IFI27: variants seen among roughly 807,000 people sequenced by gnomAD.
The protein encoded by IFI27 is interferon alpha inducible protein 27.
In IFI27, 3 loss-of-function variants were observed where a neutral mutation model predicts 8.9. That is an observed-to-expected ratio of 0.34 (90% CI 0.15 to 0.87). The LOEUF is 0.87. Among genes scored for constraint, IFI27 ranks in the 40% least tolerant of loss-of-function variants. The pLI, the probability that IFI27 is intolerant of heterozygous loss-of-function variation, is 0.51. For missense variants in IFI27, 152 were observed against 157.7 expected, an observed-to-expected ratio of 0.96 and a Z score of 0.19; for synonymous variants, 66 against 67.3, an observed-to-expected ratio of 0.98 and a Z score of 0.09.
rs182220233 is a variant in IFI27, at chr14:94,111,359, A to G, written c.-58-266A>G. 2.6e-3 allele frequency among the ~76,000 whole-genome samples: 399 copies of G among 152,284 alleles called. 1 individual carries two copies. The highest frequency in any genetic ancestry group is 0.014 in the Middle Eastern group (4 of 294). On this transcript the variant is annotated intron_variant, in intron 1 of 4. Transcript: ENST00000621160. The surrounding 1 kb of genome is among the most constrained non-coding windows in gnomAD (Gnocchi z 4.3). ...AGGGAGTCCCGGAAGTGTCTAAGAC[A>G]TTGGCGCTGGGACTTTCAGGAGAAA...
Position 94,111,752 on chromosome 14 carries a change from T to C in IFI27, c.70T>C (p.Ser24Pro). 14 of 1,614,168 alleles carry C rather than the reference T, an allele frequency of 8.7e-6. No homozygotes were observed. Among genetic ancestry groups the C allele is most frequent in the Non-Finnish European group, 1.1e-5 (13 of 1,179,986 alleles). Residue 24 changes from serine (S) to proline (P), a missense_variant, in exon 2 of 5, where the codon TCT (serine) becomes CCT (proline). Physicochemically the swap from Ser to Pro is moderately conservative, Grantham distance 74. Coordinates refer to ENST00000621160, the Ensembl canonical transcript of IFI27. This position sits in a 1 kb window ranked among gnomAD's most constrained non-coding sequence, Gnocchi z 4.3. ...CAAAGTGGTCAGGGTGGCCTCTGGCTCTGCCGTAGTTTTGCCCCTGGGTGA... is the reference window on the plus strand; with the variant it reads ...CAAAGTGGTCAGGGTGGCCTCTGGCCCTGCCGTAGTTTTGCCCCTGGGTGA...
At position 94,111,984 on chromosome 14, in the gene IFI27, GT is replaced by G; in HGVS notation, c.91+213del. Reference sequence around the variant, plus strand: ...TCTGGCCAGATGCCCAGCCCTGGGTGTTCCACAGGTCCTCTCCCCTCTGGGC... The same window carrying G: ...TCTGGCCAGATGCCCAGCCCTGGGTGTCCACAGGTCCTCTCCCCTCTGGGC... On this transcript the variant is annotated intron_variant, in intron 2 of 4. Transcript: ENST00000621160. The surrounding 1 kb of genome is among the most constrained non-coding windows in gnomAD (Gnocchi z 4.3). 1 of 614,742 alleles carries G rather than the reference GT, an allele frequency of 1.6e-6. No individual in the cohort carries two copies. The highest frequency in any genetic ancestry group is 2.9e-6 in the Non-Finnish European group (1 of 343,220). The allele number at this position is 614,742 out of a possible 1,614,324, so 38.1% of individuals were successfully genotyped here.
intron 3 of IFI27, 30 bp downstream of exon 3, chr14:94,114,910 C>G (rs753349540): frequency 6.2e-7 from 1 of 1,606,836 alleles, no homozygotes; most frequent in Admixed American, 1.7e-5. Flanking sequence ...GCTCAAGTAA[C>G]CACCTGCCCC....
chr14:94,110,868 G>A (rs181658839), intron 1 of IFI27, 71 bp downstream of exon 1: 1 of 154,272 alleles, frequency 6.5e-6, no homozygotes, highest in African/African-American at 2.4e-5. Context: ...GTGGGCTCAG[G>A]GAGCGGAGGG....
upstream of IFI27, among the ~76,000 whole-genome samples, chr14:94,107,226 C>T (rs371994074): frequency 5.9e-4 from 90 of 152,270 alleles, no homozygotes; most frequent in African/African-American, 1.9e-3. Context: ...CACACCACCA[C>T]GCCTTGCTAA....
upstream of IFI27, among the ~76,000 whole-genome samples, chr14:94,109,861 C>T (rs146826500): frequency 9.8e-3 from 1,492 of 152,318 alleles, 7 homozygotes; most frequent in Middle Eastern, 0.02. Flanking sequence ...CTTTCTCTTC[C>T]GCCTGTTCTC....
Position 94,111,698 on chromosome 14 carries a change from C to G in IFI27, c.16C>G (p.Leu6Val). 2.5e-6 allele frequency: 4 copies of G among 1,614,144 alleles called. No homozygotes were observed. The highest frequency in any genetic ancestry group is 3.4e-6 in the Non-Finnish European group (4 of 1,179,950). Residue 6 changes from leucine to valine, a missense_variant, in exon 2 of 5, where the codon CTC (leucine) becomes GTC (valine). Leu to Val is a conservative substitution (Grantham distance 32, BLOSUM62 1). Coordinates refer to ENST00000621160, the Ensembl canonical transcript of IFI27. The surrounding 1 kb of genome is among the most constrained non-coding windows in gnomAD (Gnocchi z 4.3). ...CCGAGCAGGCATGGAGGCCTCTGCT[C>G]TCACCTCATCAGCAGTGACCAGTGT...
chr14:94,110,394 C>A (rs1317883510), upstream of IFI27, among the ~76,000 whole-genome samples: 1 of 152,136 alleles, frequency 6.6e-6, no homozygotes, highest in Non-Finnish European at 1.5e-5. Context: ...GCAAGGACTA[C>A]TATTATTCTG....
At chr14:94,113,839 A>C (rs8006631) in intron 2 of IFI27, 68,077 of 151,832 alleles carry the variant, frequency 0.45, 16,188 homozygotes, top group Non-Finnish European at 0.55. Context: ...GTGGGCCTTC[A>C]TACCTGCGTC....
At chr14:94,115,649 G>A (rs970461117) in intron 3 of IFI27, 132 bp from the exon 4 acceptor site, 12 of 893,734 alleles carry the variant, frequency 1.3e-5, no homozygotes, top group East Asian at 1.1e-4. Flanking sequence ...CCTATTGGCC[G>A]TGCCCATAGT....
At chr14:94,110,437 A>G (rs1887133627), upstream of IFI27, among the ~76,000 whole-genome samples, 1 of 152,214 alleles carries the variant, frequency 6.6e-6, no homozygotes, top group Non-Finnish European at 1.5e-5. Context: ...AGTAATATTT[A>G]TCATTTTATT....
chr14:94,114,792 T>TA, intron 2 of IFI27, 59 bp from the exon 3 acceptor site: 1 of 1,600,950 alleles, frequency 6.2e-7, no homozygotes, highest in Non-Finnish European at 8.6e-7. Context: ...GCAATCGGCT[T>TA]AGAAAGTGGA....
Position 94,115,879 on chromosome 14 carries a change from GCGGCCAT to G in IFI27, c.221_227del (p.Ala74ValfsTer27). The G allele has an allele frequency of 1.9e-6, 3 of 1,599,820 alleles. No individual in the cohort carries two copies. The highest frequency in any genetic ancestry group is 2.6e-6 in the Non-Finnish European group (3 of 1,172,736). ...CATAGCAGCCAAGATGATGTCCGCGGCGGCCATTGCCAATGGGGGTGGAGTTGCCTCG... is the reference window on the plus strand; with the variant it reads ...CATAGCAGCCAAGATGATGTCCGCGGTGCCAATGGGGGTGGAGTTGCCTCG... On this transcript the variant is annotated frameshift_variant, in exon 4 of 5. Transcript: ENST00000621160. LOFTEE classifies it high-confidence loss of function.
rs1343038342 is a variant in IFI27, at chr14:94,111,045, T to C, written c.-59+248T>C. 6.5e-6 allele frequency: 1 copy of C among 154,350 alleles called. No individual in the cohort carries two copies. The highest frequency in any genetic ancestry group is 2.4e-5 in the African/African-American group (1 of 41,498). 9.6% of individuals were successfully genotyped at this position (154,350 alleles called of 1,614,324 possible). On this transcript the variant is annotated intron_variant, in intron 1 of 4. Coordinates refer to ENST00000621160, the Ensembl canonical transcript of IFI27. The surrounding 1 kb of genome is among the most constrained non-coding windows in gnomAD (Gnocchi z 4.3). ...GCCTTGAGGGCGGCTTGGGGTAAAG[T>C]GGGCAAGGGGAAGAGATAAGTGTTA...
upstream of IFI27, among the ~76,000 whole-genome samples, chr14:94,106,916 C>T (rs1168573513): frequency 6.6e-6 from 1 of 151,816 alleles, no homozygotes; most frequent in African/African-American, 2.4e-5. Flanking sequence ...CCCCCATGAC[C>T]GAAACACCCC....
intron 4 of IFI27, 42 bp downstream of exon 4, chr14:94,115,984 G>C: frequency 6.5e-7 from 1 of 1,541,404 alleles, no homozygotes; most frequent in Non-Finnish European, 8.8e-7. Flanking sequence ...GCGATGAGGA[G>C]GGCAAGAGCC....
chr14:94,107,158 C>T (rs1887026784), upstream of IFI27, among the ~76,000 whole-genome samples: 1 of 152,108 alleles, frequency 6.6e-6, no homozygotes, highest in Non-Finnish European at 1.5e-5. Flanking sequence ...CAACCTCTGC[C>T]TCCCGGGTTC....
exon 4 of IFI27, chr14:94,115,912 G>C (rs1281827135): frequency 1.3e-6 from 2 of 1,591,582 alleles, no homozygotes; most frequent in Non-Finnish European, 1.7e-6. Context: ...AGTTGCCTCG[G>C]GCAGCCTTGT....
Position 94,111,789 on chromosome 14 carries a change from A to G in IFI27, c.91+16A>G. The G allele has an allele frequency of 1.8e-5, 29 of 1,599,466 alleles. No homozygotes were observed. The highest frequency in any genetic ancestry group is 2.4e-5 in the Non-Finnish European group (28 of 1,166,936). On this transcript the variant is annotated intron_variant, in intron 2 of 4. Coordinates refer to ENST00000621160, the Ensembl canonical transcript of IFI27. The surrounding 1 kb of genome is among the most constrained non-coding windows in gnomAD (Gnocchi z 4.3). ...TTGCCCCTGGGTGAGTGTTCCTGGG[A>G]GGGGCTGGTGCTGGGGGCGAGGAGG...
Sources: gnomAD v4.1 joint callset for allele counts (sites outside exome capture counted in the v4.1 genomes callset) on GRCh38, gnomAD v4.1.1 for gene constraint, Gnocchi (gnomAD v3.1) non-coding constraint, MANE v1.5 for transcripts, NCBI Gene and HGNC (gene_info 2026-07-23, HGNC 2026-07-21) for gene names.